The following TASP1 variants were observed in gnomAD, a reference collection of about 807,000 sequenced individuals.
The protein encoded by TASP1 is taspase 1.
TASP1 carries 16 observed loss-of-function variants against 56.6 expected under a neutral mutation model. The ratio of observed to expected loss-of-function variants is 0.28; its 90% confidence interval spans 0.19 to 0.43. The LOEUF is 0.43. Among genes scored for constraint, TASP1 ranks in the 20% least tolerant of loss-of-function variants. The probability of loss-of-function intolerance (pLI) is 1.00; values close to 1 mark genes in which losing one functional copy is unlikely to be tolerated. For synonymous variants in TASP1, 179 were observed against 184.2 expected (o/e 0.97, Z 0.23); for missense variants, 393 against 511.6 (o/e 0.77, Z 2.24).
At chr20:13,588,708 G>T (rs888277138) in intron 4 of TASP1, among the ~76,000 whole-genome samples, 7 of 152,086 alleles carry the variant, frequency 4.6e-5, no homozygotes, top group Non-Finnish European at 8.8e-5. Context: ...TGGACCAGAA[G>T]GCTTAATGTT....
At chr20:13,604,203 C>A (rs1412556789) in intron 4 of TASP1, among the ~76,000 whole-genome samples, 2 of 152,132 alleles carry the variant, frequency 1.3e-5, no homozygotes, top group African/African-American at 4.8e-5. Flanking sequence ...TCCTTCAAAT[C>A]TCGTACTGAA....
At chr20:13,467,798 A>G (rs960877189) in intron 11 of TASP1, among the ~76,000 whole-genome samples, 8 of 151,944 alleles carry the variant, frequency 5.3e-5, no homozygotes, top group Non-Finnish European at 1.2e-4. Flanking sequence ...GGGTAGATCA[A>G]CTGAGGTCAG....
chr20:13,573,213 C>T (rs1324440613), intron 6 of TASP1, among the ~76,000 whole-genome samples: 1 of 152,152 alleles, frequency 6.6e-6, no homozygotes, highest in Non-Finnish European at 1.5e-5. Flanking sequence ...TTGAAATGTT[C>T]TAACATATAC....
At chr20:13,492,751 A>G (rs1158436734) in intron 10 of TASP1, among the ~76,000 whole-genome samples, 1 of 152,206 alleles carries the variant, frequency 6.6e-6, no homozygotes, top group Non-Finnish European at 1.5e-5. Flanking sequence ...TAATGTATCA[A>G]AAACAACTCA....
chr20:13,506,417 A>G (rs147197686), intron 10 of TASP1, among the ~76,000 whole-genome samples: 1 of 152,290 alleles, frequency 6.6e-6, no homozygotes, highest in African/African-American at 2.4e-5. Context: ...CCTTCATACC[A>G]AAGCTAAGCA....
At chr20:13,398,709 T>C (rs905143895) in intron 13 of TASP1, among the ~76,000 whole-genome samples, 2 of 152,248 alleles carry the variant, frequency 1.3e-5, no homozygotes, top group Non-Finnish European at 1.5e-5. Context: ...GACTCAACAG[T>C]TAGACTACTT....
the TASP1 span, among the ~76,000 whole-genome samples, chr20:13,314,464 G>A: frequency 1.3e-5 from 2 of 151,916 alleles, no homozygotes; most frequent in African/African-American, 4.8e-5. Context: ...ATAAAAGAGT[G>A]GAGTGAAACA....
chr20:13,545,661 T>C lies in TASP1; in HGVS notation c.676-11520A>G, dbSNP rs75239721. On this transcript the variant is annotated intron_variant, in intron 8 of 13. Transcript: ENST00000337743. ...GTGTTACACATTTTTTTTTAAAATA[T>C]CTTACAATGGAACACACATGGCCAG... Among the ~76,000 whole-genome samples the C allele has an allele frequency of 6.6e-3, 989 of 149,504 alleles. 14 individuals carry two copies. The highest frequency in any genetic ancestry group is 0.023 in the African/African-American group (950 of 41,050).
At chr20:13,184,394 G>C in the TASP1 span, among the ~76,000 whole-genome samples, 4 of 152,264 alleles carry the variant, frequency 2.6e-5, no homozygotes, top group Admixed American at 2.0e-4. Flanking sequence ...CTTATCAGTA[G>C]TATAATATAT....
At chr20:13,288,748 C>G in the TASP1 span, 1 of 1,452,348 alleles carries the variant, frequency 6.9e-7, no homozygotes, top group Non-Finnish European at 9.5e-7. Context: ...TCATTAAAAA[C>G]TTAGTGACAT....
the TASP1 span, among the ~76,000 whole-genome samples, chr20:13,213,029 T>C: frequency 6.6e-6 from 1 of 152,200 alleles, no homozygotes; most frequent in Non-Finnish European, 1.5e-5. Context: ...GAGACATCTC[T>C]GATGTGGCAT....
At chr20:13,154,450 T>C in the TASP1 span, among the ~76,000 whole-genome samples, 1 of 152,202 alleles carries the variant, frequency 6.6e-6, no homozygotes, top group Non-Finnish European at 1.5e-5. Context: ...TGACCCAAGA[T>C]CGTTCTCAGG....
At chr20:13,624,233 G>A (rs889466953) in intron 3 of TASP1, among the ~76,000 whole-genome samples, 8 of 152,150 alleles carry the variant, frequency 5.3e-5, no homozygotes, top group African/African-American at 1.9e-4. Context: ...TTTATTCATT[G>A]TAAATATTAA....
At chr20:13,236,221 C>G in the TASP1 span, among the ~76,000 whole-genome samples, 2 of 152,342 alleles carry the variant, frequency 1.3e-5, no homozygotes, top group East Asian at 3.9e-4. Flanking sequence ...ATGTGCCCGT[C>G]TCGGCCATCC....
the TASP1 span, among the ~76,000 whole-genome samples, chr20:13,185,470 T>C: frequency 1.3e-5 from 2 of 152,214 alleles, no homozygotes; most frequent in Admixed American, 6.5e-5. Flanking sequence ...CACTACCTCT[T>C]TCTCCTAGTT....
At chr20:13,105,725 C>A in the TASP1 span, among the ~76,000 whole-genome samples, 16 of 152,184 alleles carry the variant, frequency 1.1e-4, no homozygotes, top group Non-Finnish European at 2.2e-4. Flanking sequence ...TACCATCTAT[C>A]ATTTCTGCAC....
intron 9 of TASP1, 88 bp from the exon 10 acceptor site, chr20:13,528,599 C>G: frequency 8.5e-7 from 1 of 1,170,750 alleles, no homozygotes; most frequent in Admixed American, 2.5e-5. Context: ...TCTAATAAAG[C>G]CTGGTTTAAT....
the TASP1 span, among the ~76,000 whole-genome samples, chr20:13,113,695 C>A: frequency 1.3e-5 from 2 of 152,288 alleles, no homozygotes; most frequent in Non-Finnish European, 2.9e-5. Flanking sequence ...AATAAATATT[C>A]AATGAGGTCA....
chr20:13,465,621 G>GGT (rs1358139876), intron 11 of TASP1, among the ~76,000 whole-genome samples: 2 of 152,028 alleles, frequency 1.3e-5, no homozygotes, highest in East Asian at 3.9e-4. Context: ...AACAAATTAT[G>GGT]GTGTGTCCAC....
Sources: allele counts gnomAD v4.1 joint callset (sites outside exome capture counted in the v4.1 genomes callset), GRCh38; gene constraint gnomAD v4.1.1; transcripts MANE v1.5; gene names NCBI Gene and HGNC (gene_info 2026-07-23, HGNC 2026-07-21).